Variants in TASOR2 observed in about 807,000 individuals in gnomAD.
The protein encoded by TASOR2 is transcription activation suppressor family member 2.
In TASOR2, 84 loss-of-function variants were observed where a neutral mutation model predicts 199.5. The ratio of observed to expected loss-of-function variants is 0.42; its 90% CI spans 0.35 to 0.50. TASOR2 has a LOEUF of 0.50. Ranked by LOEUF, TASOR2 falls within the 20% of genes least tolerant of loss-of-function variation. TASOR2 has a pLI of 0.02. For synonymous variants in TASOR2, 1,103 were observed against 1,046.6 expected, an observed-to-expected ratio of 1.05 and a Z score of -1.04; for missense variants, 2,796 against 2,835.9, an observed-to-expected ratio of 0.99 and a Z score of 0.32.
exon 15 of TASOR2, chr10:5,746,380 C>A: frequency 6.2e-7 from 1 of 1,614,156 alleles, no homozygotes; most frequent in Non-Finnish European, 8.5e-7. Flanking sequence ...GCCTGGCAGT[C>A]AGCCAGTGAT....
At chr10:5,746,076 TA>T (rs1837149897) in intron 14 of TASOR2, 102 bp from the exon 16 acceptor site, 1 of 1,302,594 alleles carries the variant, frequency 7.7e-7, no homozygotes, top group Non-Finnish European at 1.0e-6. Context: ...ATTCACAAAC[TA>T]AAATTAATTT....
rs959327685 is a variant in TASOR2 at position 5,687,520 on chromosome 10, T to C, written c.-288+2345T>C. ...TTATTCCCAGGACCCCTCTACACTT[T>C]TTAAGAACCATTGAGGGGGCCAGGT... On this transcript the variant is annotated intron_variant, in intron 1 of 20. Coordinates refer to ENST00000328090, the Ensembl canonical transcript of TASOR2. The surrounding 1 kb of genome is among the most constrained non-coding windows in gnomAD (Gnocchi z 4.8). Among the ~76,000 whole-genome samples the C allele has an allele frequency of 6.6e-6, 1 of 152,240 alleles. No individual in the cohort carries two copies. The highest frequency in any genetic ancestry group is 2.4e-5 in the African/African-American group (1 of 41,460).
chr10:5,716,920 A>G (rs1275821851), intron 2 of TASOR2, among the ~76,000 whole-genome samples: 2 of 148,160 alleles, frequency 1.3e-5, no homozygotes, highest in Admixed American at 6.8e-5. Flanking sequence ...ATAAATATAT[A>G]TATATATAAA....
rs1835698564 is a variant in TASOR2, at chr10:5,685,408, C to T, written c.-288+233C>T. 6.6e-6 allele frequency among the ~76,000 whole-genome samples: 1 copy of T among 151,780 alleles called. No individual in the cohort carries two copies. Among genetic ancestry groups the T allele is most frequent in the African/African-American group, 2.4e-5 (1 of 41,262 alleles). On this transcript the variant is annotated intron_variant, in intron 1 of 20. Coordinates refer to ENST00000328090, the Ensembl canonical transcript of TASOR2. This position sits in a 1 kb window ranked among gnomAD's most constrained non-coding sequence, Gnocchi z 5.4. Reference sequence around the variant, plus strand: ...CGCTCGGTGTCGCCGGCAGGGAGATCCTAACCGTGTCATCTTGCCCCTTTC... The same window carrying T: ...CGCTCGGTGTCGCCGGCAGGGAGATTCTAACCGTGTCATCTTGCCCCTTTC...
chr10:5,762,512 T>TG lies in TASOR2; in HGVS notation c.7175-20_7175-19insG. The stretch of plus-strand genomic sequence containing the variant: ...CATTAATTATATTAACCAAAAGTTG[T>TG]TTTTTTTTTTTTTTAACAGACAAGC... On this transcript the variant is annotated intron_variant, in intron 19 of 20. Transcript: ENST00000328090. 7.3e-6 allele frequency: 3 copies of TG among 411,546 alleles called. No individual in the cohort carries two copies. Among genetic ancestry groups the TG allele is most frequent in the Non-Finnish European group, 1.1e-5 (3 of 265,484 alleles). 25.5% of individuals were successfully genotyped at this position (411,546 alleles called of 1,614,324 possible). A position where few individuals can be genotyped will look rare whatever the true frequency, so the allele number is the denominator to read the frequency against.
In TASOR2 at chr10:5,750,723, T is replaced by G. The variant is rs1837916410; in HGVS notation, c.6606+696T>G. On this transcript the variant is annotated intron_variant, in intron 15 of 20. Transcript: ENST00000328090. This position sits in a 1 kb window ranked among gnomAD's most constrained non-coding sequence, Gnocchi z 5.4. The stretch of plus-strand genomic sequence containing the variant: ...ATTTCTGAACCATTTGCAAATGTGT[T>G]GCACACACAGTGTCCCATTACCTCT... Among the ~76,000 whole-genome samples the G allele has an allele frequency of 6.6e-6, 1 of 152,212 alleles. No individual in the cohort carries two copies. Among genetic ancestry groups the G allele is most frequent in the Non-Finnish European group, 1.5e-5 (1 of 68,040 alleles).
intron 15 of TASOR2, among the ~76,000 whole-genome samples, chr10:5,755,275 T>G (rs1588916713): frequency 1.3e-5 from 2 of 151,856 alleles, no homozygotes; most frequent in East Asian, 3.9e-4. Context: ...GAATTTGAGT[T>G]GTTTAAAGAT....
Position 5,733,893 on chromosome 10 carries a change from A to C in TASOR2, c.1205-1411A>C, listed in dbSNP as rs142695518. ...CTGCTTTAGTACTTATTAATATAAT[A>C]ATTTGGTAGGGAGGAAGATAATCAG... On this transcript the variant is annotated intron_variant, in intron 11 of 20. Transcript: ENST00000328090. 1.2e-3 allele frequency among the ~76,000 whole-genome samples: 187 copies of C among 152,318 alleles called. 3 individuals are homozygous for C. In the East Asian group the frequency reaches 0.026, roughly 22 times the overall value.
intron 8 of TASOR2, among the ~76,000 whole-genome samples, chr10:5,725,792 G>A (rs1359130565): frequency 6.6e-6 from 1 of 151,998 alleles, no homozygotes; most frequent in Non-Finnish European, 1.5e-5. Flanking sequence ...TAAAGAAATA[G>A]GCTCTTAAAT....
intron 1 of TASOR2, among the ~76,000 whole-genome samples, chr10:5,702,064 TC>T (rs1174357421): frequency 6.6e-6 from 1 of 152,236 alleles, no homozygotes; most frequent in Non-Finnish European, 1.5e-5. Flanking sequence ...TTTCAATTGT[TC>T]CTTGTTCAGG....
At chr10:5,692,149 CAAA>C (rs3047334) in intron 1 of TASOR2, among the ~76,000 whole-genome samples, 25 of 112,270 alleles carry the variant, frequency 2.2e-4, no homozygotes, top group African/African-American at 8.4e-4. Context: ...CACTCTGTCT[CAAA>C]AAAAAAAAAA....
chr10:5,729,221 T>A (rs1834466100), intron 10 of TASOR2, among the ~76,000 whole-genome samples: 1 of 152,126 alleles, frequency 6.6e-6, no homozygotes, highest in Non-Finnish European at 1.5e-5. Flanking sequence ...TGGTGGCACA[T>A]GCATATAATT....
chr10:5,686,082 A>C (rs1039142485), intron 1 of TASOR2, among the ~76,000 whole-genome samples: 10 of 152,172 alleles, frequency 6.6e-5, no homozygotes, highest in Non-Finnish European at 8.8e-5. Flanking sequence ...CCTTCTGTCG[A>C]AAAACTGCCT....
At chr10:5,716,763 A>C (rs1832705112) in intron 2 of TASOR2, among the ~76,000 whole-genome samples, 1 of 151,978 alleles carries the variant, frequency 6.6e-6, no homozygotes, top group Non-Finnish European at 1.5e-5. Context: ...AAAAATACAA[A>C]AATTAGCCAG....
At chr10:5,717,012 C>A (rs1832744195) in intron 2 of TASOR2, among the ~76,000 whole-genome samples, 1 of 134,910 alleles carries the variant, frequency 7.4e-6, no homozygotes, top group African/African-American at 2.8e-5. Context: ...CAAATAACCA[C>A]TGCAGCTTAC....
chr10:5,720,492 C>A lies in TASOR2; in HGVS notation c.-99-52C>A. 6.8e-7 allele frequency: 1 copy of A among 1,461,852 alleles called. No homozygotes were observed. The highest frequency in any genetic ancestry group is 9.0e-7 in the Non-Finnish European group (1 of 1,111,278). The allele number at this position is 1,461,852 out of a possible 1,614,324, so 90.6% of individuals were successfully genotyped here. A position where few individuals can be genotyped will look rare whatever the true frequency, so the allele number is the denominator to read the frequency against. On this transcript the variant is annotated intron_variant, in intron 3 of 20. Transcript: ENST00000328090. The surrounding 1 kb of genome is among the most constrained non-coding windows in gnomAD (Gnocchi z 5.3). ...CGGTGGGGTTGAGAAAAACTTGGTA[C>A]ATATGCAGTTCCATAGTGCTACCCT...
Position 5,754,453 on chromosome 10 carries a change from G to A in TASOR2, c.6607-2160G>A, listed in dbSNP as rs186451387. On this transcript the variant is annotated intron_variant, in intron 15 of 20. Coordinates refer to ENST00000328090, the Ensembl canonical transcript of TASOR2. This position sits in a 1 kb window ranked among gnomAD's most constrained non-coding sequence, Gnocchi z 4.3. Reference sequence around the variant, plus strand: ...CGCCCAGGCTGGAGTGCAGTGGCGCGATCTCAGCTCACTGCAGCCTCCGTC... The same window carrying A: ...CGCCCAGGCTGGAGTGCAGTGGCGCAATCTCAGCTCACTGCAGCCTCCGTC... Among the ~76,000 whole-genome samples the A allele has an allele frequency of 7.2e-5, 11 of 151,900 alleles. No homozygotes were observed. Among genetic ancestry groups the A allele is most frequent in the African/African-American group, 2.2e-4 (9 of 41,430 alleles).
At chr10:5,714,060 A>T in intron 2 of TASOR2, 75 bp from the exon 3 acceptor site, 3 of 823,422 alleles carry the variant, frequency 3.6e-6, no homozygotes, top group South Asian at 6.3e-5. Context: ...AATAAAATTA[A>T]AAAAAAAAAC....
intron 2 of TASOR2, 92 bp from the exon 3 acceptor site, chr10:5,714,043 A>AATTAT: frequency 5.4e-6 from 3 of 560,556 alleles, no homozygotes; most frequent in Non-Finnish European, 7.4e-6. Flanking sequence ...TCTATTGTAT[A>AATTAT]ATAAAAAATA....
Sources: allele counts gnomAD v4.1 joint callset (sites outside exome capture counted in the v4.1 genomes callset), GRCh38; gene constraint gnomAD v4.1.1; non-coding constraint Gnocchi (gnomAD v3.1); transcripts MANE v1.5; gene names NCBI Gene and HGNC (gene_info 2026-07-23, HGNC 2026-07-21).